Variants in MXI1 observed in about 807,000 individuals in gnomAD.
The protein encoded by MXI1 is MAX interactor 1, dimerization protein.
MXI1 carries 18 observed loss-of-function variants against 36.9 expected under a neutral mutation model. The ratio of observed to expected loss-of-function variants is 0.49; its 90% CI spans 0.34 to 0.72. MXI1 has a LOEUF of 0.72. Among genes scored for constraint, MXI1 ranks in the 30% least tolerant of loss-of-function variants. The probability of loss-of-function intolerance (pLI) is 0.01; values close to 1 mark genes in which losing one functional copy is unlikely to be tolerated. For synonymous variants in MXI1, 160 were observed against 146.7 expected (o/e 1.09, Z -0.65); for missense variants, 304 against 379.1 (o/e 0.80, Z 1.64).
Position 110,284,995 on chromosome 10 carries a change from C to T in MXI1, c.*8C>T. The T allele has an allele frequency of 6.2e-7, 1 of 1,606,934 alleles. No homozygotes were observed. The highest frequency in any genetic ancestry group is 8.5e-7 in the Non-Finnish European group (1 of 1,177,150). On this transcript the variant is annotated 3_prime_UTR_variant, in exon 6 of 6. Coordinates refer to ENST00000332674, the MANE Select transcript of MXI1 (RefSeq NM_130439.3). ...CTTTCATTCACTTCATAGAACCCAG[C>T]ATGACATAACAGTGCAGGGCAAAAT...
intron 3 of MXI1, among the ~76,000 whole-genome samples, chr10:110,278,051 C>G (rs1285915710): frequency 6.6e-6 from 1 of 152,116 alleles, no homozygotes; most frequent in Non-Finnish European, 1.5e-5. Context: ...ACCAAAAGTT[C>G]AATTATAGGT....
chr10:110,228,678 C>T (rs1855149706), intron 2 of MXI1, among the ~76,000 whole-genome samples: 1 of 151,762 alleles, frequency 6.6e-6, no homozygotes, highest in African/African-American at 2.4e-5. Context: ...AAAAAAAAAT[C>T]AGAAATAGGT....
intron 5 of MXI1, among the ~76,000 whole-genome samples, chr10:110,280,491 T>C (rs1252588199): frequency 8.6e-5 from 13 of 151,810 alleles, no homozygotes; most frequent in East Asian, 7.7e-4. Flanking sequence ...CCATCCTGGC[T>C]AACATGGTAA....
chr10:110,217,457 G>A (rs1854681808), intron 1 of MXI1, among the ~76,000 whole-genome samples: 1 of 152,214 alleles, frequency 6.6e-6, no homozygotes, highest in South Asian at 2.1e-4. Context: ...GAGAGCTGGT[G>A]TGGACTTTGT....
At chr10:110,260,419 GTGTGTGT>G (rs1856469114) in intron 3 of MXI1, among the ~76,000 whole-genome samples, 5 of 8,120 alleles carry the variant, frequency 6.2e-4, no homozygotes, top group African/African-American at 2.4e-3. Context: ...TGATACAGGT[GTGTGTGT>G]GTGTGTGTGT....
At chr10:110,272,658 G>T (rs147668166) in intron 3 of MXI1, among the ~76,000 whole-genome samples, 39 of 151,810 alleles carry the variant, frequency 2.6e-4, no homozygotes, top group African/African-American at 8.7e-4. Flanking sequence ...GCCCTTTCAT[G>T]CTGAGGCTGA....
intron 3 of MXI1, among the ~76,000 whole-genome samples, chr10:110,273,988 CCT>C (rs1856945854): frequency 2.6e-5 from 4 of 152,304 alleles, no homozygotes; most frequent in African/African-American, 7.2e-5. Flanking sequence ...GGTATTCTTT[CCT>C]CTCTCTTCCC....
At chr10:110,211,946 G>A (rs1244102975) in intron 1 of MXI1, among the ~76,000 whole-genome samples, 2 of 152,232 alleles carry the variant, frequency 1.3e-5, no homozygotes, top group Non-Finnish European at 2.9e-5. Flanking sequence ...TCCAGTGGAA[G>A]GGTGGGAATT....
intron 3 of MXI1, among the ~76,000 whole-genome samples, chr10:110,252,307 A>G (rs1856122680): frequency 6.6e-6 from 1 of 152,170 alleles, no homozygotes; most frequent in African/African-American, 2.4e-5. Flanking sequence ...TCATTTCTCT[A>G]TTTACAGTCT....
chr10:110,232,519 G>T (rs895368019), intron 2 of MXI1, among the ~76,000 whole-genome samples: 9 of 152,132 alleles, frequency 5.9e-5, no homozygotes, highest in African/African-American at 2.2e-4. Flanking sequence ...CACATTTGTA[G>T]AAATACAGTT....
chr10:110,237,664 A>T (rs1855521209), intron 2 of MXI1, among the ~76,000 whole-genome samples: 1 of 152,214 alleles, frequency 6.6e-6, no homozygotes, highest in Non-Finnish European at 1.5e-5. Flanking sequence ...CCATAAGTTC[A>T]GGAGTCCTCA....
intron 3 of MXI1, among the ~76,000 whole-genome samples, chr10:110,266,257 G>A (rs1856674907): frequency 6.6e-6 from 1 of 152,048 alleles, no homozygotes; most frequent in Non-Finnish European, 1.5e-5. Flanking sequence ...AAGGGCATGT[G>A]CCACCATGCC....
At position 110,285,501 on chromosome 10, in the gene MXI1, C is replaced by G. The variant is rs766897281; in HGVS notation, c.*514C>G. The G allele has an allele frequency of 1.3e-5, 2 of 151,724 alleles. No homozygotes were observed. Among genetic ancestry groups the G allele is most frequent in the South Asian group, 2.1e-4 (1 of 4,784 alleles). The allele number at this position is 151,724 out of a possible 1,614,324, so 9.4% of individuals were successfully genotyped here. ...CAGCCTGGGACAGTTTATCATGAAG[C>G]CTGTGGATGATCAATCCTTTATTAT... is the stretch of plus-strand genomic sequence containing the variant. On this transcript the variant is annotated 3_prime_UTR_variant, in exon 6 of 6. Coordinates refer to ENST00000332674, the MANE Select transcript of MXI1 (RefSeq NM_130439.3).
At chr10:110,277,169 A>C (rs1301746068) in intron 3 of MXI1, among the ~76,000 whole-genome samples, 1 of 152,234 alleles carries the variant, frequency 6.6e-6, no homozygotes, top group Non-Finnish European at 1.5e-5. Context: ...AAACTAAAAA[A>C]TAAAAGATAA....
intron 3 of MXI1, among the ~76,000 whole-genome samples, chr10:110,260,832 A>G (rs1049086099): frequency 2.0e-5 from 3 of 152,114 alleles, no homozygotes; most frequent in African/African-American, 7.2e-5. Flanking sequence ...TCCCTTTTGG[A>G]AAACTACTTA....
chr10:110,208,742 C>G (rs544016347), intron 1 of MXI1, among the ~76,000 whole-genome samples: 2 of 88,286 alleles, frequency 2.3e-5, no homozygotes, highest in Admixed American at 2.0e-4. Flanking sequence ...CCACCGCCGC[C>G]CCCCCCCCCC....
chr10:110,271,526 ATTGT>A (rs1470633497), intron 3 of MXI1, among the ~76,000 whole-genome samples: 2 of 152,196 alleles, frequency 1.3e-5, no homozygotes, highest in Non-Finnish European at 2.9e-5. Flanking sequence ...TGTGGAAGAA[ATTGT>A]TTGGCCATGG....
chr10:110,276,226 G>A (rs901619919), intron 3 of MXI1, among the ~76,000 whole-genome samples: 5 of 151,682 alleles, frequency 3.3e-5, no homozygotes, highest in African/African-American at 4.9e-5. Context: ...GAAAATCCTC[G>A]CTTTTTCATA....
At chr10:110,274,936 G>A (rs1453013897) in intron 3 of MXI1, among the ~76,000 whole-genome samples, 6 of 146,260 alleles carry the variant, frequency 4.1e-5, no homozygotes, top group African/African-American at 1.3e-4. Flanking sequence ...GTGCACTGGC[G>A]CGATCTCTGC....
Sources: gnomAD v4.1 joint callset for allele counts (sites outside exome capture counted in the v4.1 genomes callset) on GRCh38, gnomAD v4.1.1 for gene constraint, MANE v1.5 for transcripts, NCBI Gene and HGNC (gene_info 2026-07-23, HGNC 2026-07-21) for gene names.